GRK5: variants seen among roughly 807,000 people sequenced by gnomAD.
GRK5 encodes the protein g protein-coupled receptor kinase GRK5.
In GRK5, 40 loss-of-function variants were observed where a neutral mutation model predicts 78.4. The ratio of observed to expected loss-of-function variants is 0.51; its 90% CI spans 0.40 to 0.66. GRK5 has a LOEUF of 0.66. GRK5 is among the 30% of genes least tolerant of loss of function. GRK5 has a pLI of 0.00. For missense variants in GRK5, 598 were observed against 759.9 expected, an observed-to-expected ratio of 0.79 and a Z score of 2.50; for synonymous variants, 289 against 296.8, an observed-to-expected ratio of 0.97 and a Z score of 0.27.
In GRK5 at chr10:119,309,100, G is replaced by A. The variant is rs921883214; in HGVS notation, c.53-17416G>A. Among the ~76,000 whole-genome samples the A allele has an allele frequency of 7.2e-5, 11 of 152,344 alleles. 1 individual carries two copies. Among genetic ancestry groups the A allele is most frequent in the South Asian group, 6.2e-4 (3 of 4,832 alleles). On this transcript the variant is annotated intron_variant, in intron 1 of 15. Transcript: ENST00000392870. ...GGAGTTCTTGCCACATCCCTGCAGG[G>A]CTGGTGCGTGAGGGACCGTGTGGTC... is the stretch of plus-strand genomic sequence containing the variant.
intron 11 of GRK5, 117 bp downstream of exon 11, chr10:119,442,205 A>T: frequency 1.3e-6 from 1 of 794,320 alleles, no homozygotes; most frequent in Non-Finnish European, 2.1e-6. Flanking sequence ...TGCTGATCAC[A>T]CACAGAGTCA....
At position 119,430,356 on chromosome 10, in the gene GRK5, G is replaced by A. The variant is rs749720389; in HGVS notation, c.534-19G>A. On this transcript the variant is annotated intron_variant, in intron 6 of 15. Transcript: ENST00000392870. This position sits in a 1 kb window ranked among gnomAD's most constrained non-coding sequence, Gnocchi z 4.5. ...GTCTTGGCACCATGAGACCAGTGTG[G>A]GATTCTTCTTTCTTCCAGGCAACCG... 1 of 1,610,906 alleles carries A rather than the reference G, an allele frequency of 6.2e-7. No individual in the cohort carries two copies. The highest frequency in any genetic ancestry group is 2.2e-5 in the East Asian group (1 of 44,860).
At chr10:119,291,973 TCCTCCTC>T (rs1849977736) in intron 1 of GRK5, among the ~76,000 whole-genome samples, 5 of 141,164 alleles carry the variant, frequency 3.5e-5, no homozygotes, top group African/African-American at 5.3e-5. Context: ...TTCCTCCTTC[TCCTCCTC>T]TTCCTCCTTC....
chr10:119,431,634 G>T lies in GRK5; in HGVS notation c.738+107G>T. The T allele has an allele frequency of 1.5e-6, 2 of 1,322,792 alleles. 1 individual carries two copies. The highest frequency in any genetic ancestry group is 2.9e-5 in the South Asian group (2 of 68,356). 81.9% of individuals were successfully genotyped at this position (1,322,792 alleles called of 1,614,324 possible). A position where few individuals can be genotyped will look rare whatever the true frequency, so the allele number is the denominator to read the frequency against. On this transcript the variant is annotated intron_variant, in intron 8 of 15. Transcript: ENST00000392870. This position sits in a 1 kb window ranked among gnomAD's most constrained non-coding sequence, Gnocchi z 4.8. ...TAATGCGGCCGGTCCCCACCCCTGGGAAGGGGAATGCCAGTGGCAGCGCTG... is the reference window on the plus strand; with the variant it reads ...TAATGCGGCCGGTCCCCACCCCTGGTAAGGGGAATGCCAGTGGCAGCGCTG...
chr10:119,439,510 G>A (rs1852988300), intron 9 of GRK5, among the ~76,000 whole-genome samples: 1 of 152,256 alleles, frequency 6.6e-6, no homozygotes, highest in South Asian at 2.1e-4. Context: ...CCAGGATTGG[G>A]AAATGCCTGT....
chr10:119,259,159 G>A (rs1320356717), intron 1 of GRK5, among the ~76,000 whole-genome samples: 2 of 149,436 alleles, frequency 1.3e-5, no homozygotes, highest in Middle Eastern at 3.5e-3. Flanking sequence ...CCGTCTCCCA[G>A]GTTCACGCCA....
intron 12 of GRK5, among the ~76,000 whole-genome samples, chr10:119,447,631 A>C (rs1014825687): frequency 3.9e-5 from 6 of 151,966 alleles, no homozygotes; most frequent in African/African-American, 1.4e-4. Context: ...GATCTGTATC[A>C]CCTTGATGCG....
intron 1 of GRK5, among the ~76,000 whole-genome samples, chr10:119,213,501 ACT>A (rs1251666477): frequency 6.6e-6 from 1 of 152,096 alleles, no homozygotes; most frequent in Non-Finnish European, 1.5e-5. Context: ...ACAGAGTAAG[ACT>A]CTGTTTCAAA....
Position 119,453,130 on chromosome 10 carries a change from T to C in GRK5, c.1543-15T>C. Reference sequence around the variant, plus strand: ...CCAGTTGACGGCCTGTGTTTTGTTTTCACGGCCCCTCCAGATGATAGAAAC... The same window carrying C: ...CCAGTTGACGGCCTGTGTTTTGTTTCCACGGCCCCTCCAGATGATAGAAAC... On this transcript the variant is annotated splice_polypyrimidine_tract_variant and intron_variant, in intron 14 of 15. Coordinates refer to ENST00000392870, the MANE Select transcript of GRK5 (RefSeq NM_005308.3). 1 of 1,491,412 alleles carries C rather than the reference T, an allele frequency of 6.7e-7. No individual in the cohort carries two copies. The highest frequency in any genetic ancestry group is 9.4e-7 in the Non-Finnish European group (1 of 1,067,958). The allele number at this position is 1,491,412 out of a possible 1,614,324, so 92.4% of individuals were successfully genotyped here. A position where few individuals can be genotyped will look rare whatever the true frequency, so the allele number is the denominator to read the frequency against.
intron 2 of GRK5, among the ~76,000 whole-genome samples, chr10:119,357,860 G>T (rs554432098): frequency 6.6e-6 from 1 of 152,216 alleles, no homozygotes; most frequent in Admixed American, 6.5e-5. Flanking sequence ...TGGGTGGTGG[G>T]GCACGCTTCC....
At chr10:119,266,417 G>A (rs1345920784) in intron 1 of GRK5, among the ~76,000 whole-genome samples, 2 of 151,988 alleles carry the variant, frequency 1.3e-5, no homozygotes, top group Non-Finnish European at 2.9e-5. Context: ...GAGCCGAGAT[G>A]GCGCCGCTGC....
chr10:119,450,825 C>T (rs1314035706), intron 13 of GRK5, among the ~76,000 whole-genome samples: 1 of 152,106 alleles, frequency 6.6e-6, no homozygotes, highest in Non-Finnish European at 1.5e-5. Context: ...GGCCCAGGGC[C>T]TCTGTTCCTG....
intron 1 of GRK5, among the ~76,000 whole-genome samples, chr10:119,220,860 A>G (rs1449556919): frequency 2.8e-5 from 4 of 144,926 alleles, no homozygotes; most frequent in East Asian, 2.1e-4. Context: ...AATACTCACT[A>G]AAGAAAGTCC....
chr10:119,455,861 C>G lies in GRK5; in HGVS notation c.*794C>G, dbSNP rs1487527975. 1 of 154,360 alleles carries G rather than the reference C, an allele frequency of 6.5e-6. No individual in the cohort carries two copies. Among genetic ancestry groups the G allele is most frequent in the Non-Finnish European group, 1.4e-5 (1 of 69,784 alleles). 9.6% of individuals were successfully genotyped at this position (154,360 alleles called of 1,614,324 possible). On this transcript the variant is annotated 3_prime_UTR_variant, in exon 16 of 16. Transcript: ENST00000392870. ...CACCCACCTCTGTCTGCTCTTCCTT[C>G]AGGAAGGCGGCTGGCACGCGGATCT...
Position 119,452,814 on chromosome 10 carries a change from C to G in GRK5, c.1542+6C>G. 1 of 1,537,070 alleles carries G rather than the reference C, an allele frequency of 6.5e-7. No individual in the cohort carries two copies. ...CCATCCCATGGCAAAACGAGGTGAGCAGGGCAGACCACTTGCTTTGGTCTG... is the reference window on the plus strand; with the variant it reads ...CCATCCCATGGCAAAACGAGGTGAGGAGGGCAGACCACTTGCTTTGGTCTG... On this transcript the variant is annotated splice_donor_region_variant and intron_variant, in intron 14 of 15. Transcript: ENST00000392870. The surrounding 1 kb of genome is among the most constrained non-coding windows in gnomAD (Gnocchi z 4.4).
intron 4 of GRK5, among the ~76,000 whole-genome samples, chr10:119,400,710 G>A (rs1852136046): frequency 6.6e-6 from 1 of 152,170 alleles, no homozygotes; most frequent in African/African-American, 2.4e-5. Context: ...AGTGCCACTT[G>A]TATTTTAGGA....
At chr10:119,249,843 G>A (rs75503205) in intron 1 of GRK5, among the ~76,000 whole-genome samples, 3,229 of 152,300 alleles carry the variant, frequency 0.021, 58 homozygotes, top group Admixed American at 0.055. Context: ...TACTATTACT[G>A]TGTCATTGTT....
chr10:119,249,792 C>T (rs1345055542), intron 1 of GRK5, among the ~76,000 whole-genome samples: 1 of 152,206 alleles, frequency 6.6e-6, no homozygotes, highest in Non-Finnish European at 1.5e-5. Context: ...TGAGCCACTG[C>T]GTCCAGCTGA....
chr10:119,337,879 C>T (rs1564896538), intron 2 of GRK5, among the ~76,000 whole-genome samples: 1 of 152,256 alleles, frequency 6.6e-6, no homozygotes, highest in South Asian at 2.1e-4. Context: ...GCCTTGGCCT[C>T]CCATAGTATT....
Sources: gnomAD v4.1 joint callset for allele counts (sites outside exome capture counted in the v4.1 genomes callset) on GRCh38, gnomAD v4.1.1 for gene constraint, Gnocchi (gnomAD v3.1) non-coding constraint, MANE v1.5 for transcripts, NCBI Gene and HGNC (gene_info 2026-07-23, HGNC 2026-07-21) for gene names.